TSBP1: variants seen among roughly 807,000 people sequenced by gnomAD.
TSBP1 encodes the protein testis expressed basic protein 1, also known as testis-expressed basic protein 1.
TSBP1 carries 56 observed loss-of-function variants against 68.8 expected under a neutral mutation model. The observed-to-expected ratio is 0.81, with a 90% CI of 0.66 to 1.02. TSBP1 has a LOEUF of 1.02. Ranked by LOEUF, TSBP1 falls within the 50% of genes least tolerant of loss-of-function variation. The probability of loss-of-function intolerance (pLI) is 0.00; values close to 1 mark genes in which losing one functional copy is unlikely to be tolerated. For missense variants in TSBP1, 502 were observed against 641.2 expected, an observed-to-expected ratio of 0.78 and a Z score of 2.34; for synonymous variants, 171 against 208.7, an observed-to-expected ratio of 0.82 and a Z score of 1.56.
chr6:32,318,101 T>C (rs1022740205), intron 18 of TSBP1, among the ~76,000 whole-genome samples: 3 of 152,212 alleles, frequency 2.0e-5, no homozygotes, highest in African/African-American at 7.2e-5. Flanking sequence ...ATATACACCA[T>C]GTAATACCAT....
rs551667176 is a variant in TSBP1 at position 32,329,270 on chromosome 6, C to T, written c.514+1319G>A. 3.3e-5 allele frequency among the ~76,000 whole-genome samples: 5 copies of T among 152,198 alleles called. No homozygotes were observed. In the South Asian group the frequency reaches 8.3e-4, roughly 25 times the overall value. ...GAAAAGGGAAAGGGAATTCATGTATCCATGTAGATTCTCTGGCACATGGTG... is the reference window on the plus strand; with the variant it reads ...GAAAAGGGAAAGGGAATTCATGTATTCATGTAGATTCTCTGGCACATGGTG... On this transcript the variant is annotated intron_variant, in intron 16 of 22. Transcript: ENST00000612031.
At position 32,325,498 on chromosome 6, in the gene TSBP1, A is replaced by G; in HGVS notation, c.515-1884T>C. The G allele has an allele frequency of 1.1e-6, 1 of 893,674 alleles. No individual in the cohort carries two copies. Among genetic ancestry groups the G allele is most frequent in the Non-Finnish European group, 1.9e-6 (1 of 538,972 alleles). 55.4% of individuals were successfully genotyped at this position (893,674 alleles called of 1,614,324 possible). ...CCAAAGAGAGCTGTCTCAAGAGAAG[A>G]TTCTCAAATACCAGGTGCCCACTTA... is the stretch of plus-strand genomic sequence containing the variant. On this transcript the variant is annotated intron_variant, in intron 16 of 22. Coordinates refer to ENST00000612031, the Ensembl canonical transcript of TSBP1. The surrounding 1 kb of genome is among the most constrained non-coding windows in gnomAD (Gnocchi z 4.4).
intron 19 of TSBP1, among the ~76,000 whole-genome samples, chr6:32,308,500 A>G (rs1462558430): frequency 2.7e-5 from 4 of 146,964 alleles, no homozygotes; most frequent in African/African-American, 5.0e-5. Context: ...TGGGAGGCTG[A>G]GGCAGGAGAA....
intron 1 of TSBP1, among the ~76,000 whole-genome samples, chr6:32,371,372 A>T (rs1436626108): frequency 6.6e-6 from 1 of 152,182 alleles, no homozygotes; most frequent in Non-Finnish European, 1.5e-5. Flanking sequence ...GGCAGATTAT[A>T]TAGAGTGACC....
intron 16 of TSBP1, among the ~76,000 whole-genome samples, chr6:32,328,561 A>G (rs1314246653): frequency 6.6e-6 from 1 of 151,988 alleles, no homozygotes; most frequent in Non-Finnish European, 1.5e-5. Flanking sequence ...GACTACAGGC[A>G]TGCGCTACCA....
In TSBP1 at chr6:32,316,643, G is replaced by T. The variant is rs563056898; in HGVS notation, c.560-851C>A. 6.6e-6 allele frequency among the ~76,000 whole-genome samples: 1 copy of T among 152,132 alleles called. No individual in the cohort carries two copies. The highest frequency in any genetic ancestry group is 1.5e-5 in the Non-Finnish European group (1 of 68,018). On this transcript the variant is annotated intron_variant, in intron 18 of 22. Coordinates refer to ENST00000612031, the Ensembl canonical transcript of TSBP1. The surrounding 1 kb of genome is among the most constrained non-coding windows in gnomAD (Gnocchi z 4.5). ...TGGAGTGATTCTAAGGATTAAATGGGATAATGTAATTAAAGCACCTATATA... is the reference window on the plus strand; with the variant it reads ...TGGAGTGATTCTAAGGATTAAATGGTATAATGTAATTAAAGCACCTATATA...
intron 9 of TSBP1, among the ~76,000 whole-genome samples, chr6:32,349,110 T>C (rs570525513): frequency 6.6e-6 from 1 of 152,212 alleles, no homozygotes; most frequent in South Asian, 2.1e-4. Flanking sequence ...TTTGGAAATA[T>C]GAAATTTCCC....
At chr6:32,296,854 A>G (rs1039483400) in intron 22 of TSBP1, among the ~76,000 whole-genome samples, 13 of 152,216 alleles carry the variant, frequency 8.5e-5, no homozygotes, top group African/African-American at 2.7e-4. Flanking sequence ...TGAAGCACCC[A>G]GTGTTTATTC....
intron 17 of TSBP1, 87 bp from the exon 19 acceptor site, chr6:32,323,224 T>C: frequency 1.2e-6 from 1 of 830,432 alleles, no homozygotes. Context: ...GGGGAGAAAC[T>C]TGGACACCTT....
At chr6:32,319,093 G>A (rs938361108) in intron 18 of TSBP1, among the ~76,000 whole-genome samples, 19 of 152,128 alleles carry the variant, frequency 1.2e-4, no homozygotes, top group African/African-American at 4.1e-4. Flanking sequence ...CCTAACATAT[G>A]CAAAACTGAA....
At chr6:32,366,668 G>C (rs1305995185) in intron 4 of TSBP1, among the ~76,000 whole-genome samples, 4 of 148,138 alleles carry the variant, frequency 2.7e-5, no homozygotes, top group African/African-American at 9.9e-5. Flanking sequence ...AAGGCTGAGA[G>C]AGGAGAATGG....
intron 7 of TSBP1, 132 bp from the exon 8 acceptor site, chr6:32,355,276 T>A: frequency 1.2e-6 from 1 of 844,888 alleles, no homozygotes; most frequent in Non-Finnish European, 1.9e-6. Flanking sequence ...ATCACTGATC[T>A]GGTGATGGGT....
In TSBP1 at chr6:32,325,754, G is replaced by C; in HGVS notation, c.515-2140C>G. 8.9e-7 allele frequency: 1 copy of C among 1,127,596 alleles called. No homozygotes were observed. The highest frequency in any genetic ancestry group is 1.3e-6 in the Non-Finnish European group (1 of 751,310). 69.8% of individuals were successfully genotyped at this position (1,127,596 alleles called of 1,614,324 possible). A position where few individuals can be genotyped will look rare whatever the true frequency, so the allele number is the denominator to read the frequency against. ...TGGCCACAACTGTGAAGTTAGGAAAGTCTGTCAAAGCAAGAGATGGCTAGT... is the reference window on the plus strand; with the variant it reads ...TGGCCACAACTGTGAAGTTAGGAAACTCTGTCAAAGCAAGAGATGGCTAGT... On this transcript the variant is annotated intron_variant, in intron 16 of 22. Transcript: ENST00000612031. This position sits in a 1 kb window ranked among gnomAD's most constrained non-coding sequence, Gnocchi z 4.4.
chr6:32,296,267 G>T (rs879316029), intron 22 of TSBP1, among the ~76,000 whole-genome samples: 2 of 151,620 alleles, frequency 1.3e-5, no homozygotes, highest in Non-Finnish European at 2.9e-5. Flanking sequence ...ATAAAAATGA[G>T]GCACACCTGT....
At chr6:32,310,761 A>ATATATATATATATTTTT in intron 19 of TSBP1, among the ~76,000 whole-genome samples, 12 of 144,806 alleles carry the variant, frequency 8.3e-5, no homozygotes, top group South Asian at 4.4e-4. Flanking sequence ...ATATATATAT[A>ATATATATATATATTTTT]TTTTTAATCT....
intron 6 of TSBP1, among the ~76,000 whole-genome samples, chr6:32,363,098 A>G (rs1374349097): frequency 2.0e-5 from 3 of 152,138 alleles, no homozygotes; most frequent in African/African-American, 4.8e-5. Flanking sequence ...TTGATGAATT[A>G]GCCCTTTATA....
intron 8 of TSBP1, among the ~76,000 whole-genome samples, chr6:32,350,506 C>T (rs1224624161): frequency 6.6e-6 from 1 of 152,090 alleles, no homozygotes; most frequent in Non-Finnish European, 1.5e-5. Flanking sequence ...CAAGAAGGAA[C>T]CCATATTCTT....
chr6:32,367,249 G>A (rs1425449002), intron 4 of TSBP1, among the ~76,000 whole-genome samples: 1 of 151,476 alleles, frequency 6.6e-6, no homozygotes, highest in Non-Finnish European at 1.5e-5. Flanking sequence ...AGGAAAGAGA[G>A]AGAGAGAGAG....
chr6:32,311,110 CCTT>C (rs1766366134), intron 19 of TSBP1, among the ~76,000 whole-genome samples: 2 of 152,092 alleles, frequency 1.3e-5, no homozygotes, highest in Non-Finnish European at 2.9e-5. Flanking sequence ...TACTGGTTCT[CCTT>C]CTTTCTCCCT....
Sources: allele counts gnomAD v4.1 joint callset (sites outside exome capture counted in the v4.1 genomes callset), GRCh38; gene constraint gnomAD v4.1.1; non-coding constraint Gnocchi (gnomAD v3.1); transcripts MANE v1.5; gene names NCBI Gene and HGNC (gene_info 2026-07-23, HGNC 2026-07-21).